The following ST6GAL1 variants were observed in gnomAD, a reference collection of about 807,000 sequenced individuals.
ST6GAL1 encodes beta-galactoside alpha-2,6-sialyltransferase 1.
In ST6GAL1, 20 loss-of-function variants were observed where a neutral mutation model predicts 38.0. That is an observed-to-expected ratio of 0.53 (90% confidence interval 0.37 to 0.77). ST6GAL1 has a LOEUF of 0.77. Among genes scored for constraint, ST6GAL1 ranks in the 30% least tolerant of loss-of-function variants. ST6GAL1 has a pLI of 0.00. For missense variants in ST6GAL1, 432 were observed against 496.4 expected (o/e 0.87, Z 1.23); for synonymous variants, 196 against 188.2 (o/e 1.04, Z -0.34).
intron 1 of ST6GAL1, among the ~76,000 whole-genome samples, chr3:186,958,971 AAT>A (rs1218587228): frequency 1.4e-5 from 1 of 71,494 alleles, no homozygotes; most frequent in East Asian, 4.1e-4. Context: ...AAAAAAATTA[AAT>A]AAATAAATAA....
intron 2 of ST6GAL1, among the ~76,000 whole-genome samples, chr3:186,992,118 A>G (rs1716192998): frequency 6.6e-6 from 1 of 152,114 alleles, no homozygotes; most frequent in African/African-American, 2.4e-5. Context: ...GTACATGACC[A>G]TTGATATGGT....
chr3:186,944,701 C>G (rs1579257689), intron 1 of ST6GAL1, among the ~76,000 whole-genome samples: 1 of 152,206 alleles, frequency 6.6e-6, no homozygotes, highest in Middle Eastern at 3.2e-3. Context: ...TGAGGAAAAT[C>G]ACAGCCTATG....
At chr3:187,042,536 C>T (rs1362242727) in intron 3 of ST6GAL1, 118 bp from the exon 4 acceptor site, 8 of 983,460 alleles carry the variant, frequency 8.1e-6, no homozygotes, top group Non-Finnish European at 1.2e-5. Flanking sequence ...AGGAGGTAGA[C>T]CAGGGCTGGA....
At chr3:186,969,155 G>T (rs563240628) in intron 2 of ST6GAL1, among the ~76,000 whole-genome samples, 1 of 148,410 alleles carries the variant, frequency 6.7e-6, no homozygotes, top group Admixed American at 6.8e-5. Context: ...GGGTTCAAGC[G>T]ATTCTCCTGC....
intron 1 of ST6GAL1, among the ~76,000 whole-genome samples, chr3:186,935,595 T>C (rs1450865868): frequency 6.6e-6 from 1 of 152,196 alleles, no homozygotes; most frequent in African/African-American, 2.4e-5. Flanking sequence ...TCTACAATGG[T>C]TGAACTAATT....
rs781047841 is a variant in ST6GAL1 at position 187,042,720 on chromosome 3, T to C, written c.17T>C (p.Leu6Pro). The C allele has an allele frequency of 3.1e-6, 5 of 1,611,460 alleles. No homozygotes were observed. In the South Asian group the frequency reaches 4.4e-5, roughly 14 times the overall value. MIHTN[L>P]KKKFSCCVLV... ...ATCTTCATTATGATTCACACCAACC[T>C]GAAGAAAAAGTTCAGCTGCTGCGTC... Residue 6 changes from leucine (L) to proline (P), a missense_variant, in exon 4 of 8, where the codon CTG (leucine) becomes CCG (proline). Leu to Pro is a moderately conservative substitution (Grantham distance 98, BLOSUM62 -3). Transcript: ENST00000169298.
At chr3:186,943,633 A>C (rs1714258758) in intron 1 of ST6GAL1, among the ~76,000 whole-genome samples, 1 of 152,008 alleles carries the variant, frequency 6.6e-6, no homozygotes, top group Admixed American at 6.6e-5. Flanking sequence ...TATTTTTAGT[A>C]GACATGGGGT....
At chr3:187,051,172 C>T in intron 4 of ST6GAL1, 77 bp from the exon 5 acceptor site, 2 of 1,287,258 alleles carry the variant, frequency 1.6e-6, no homozygotes, top group Non-Finnish European at 2.3e-6. Flanking sequence ...TTGCCCCCTC[C>T]CCCGCCTCTC....
In ST6GAL1 at chr3:187,068,740, T is replaced by A. The variant is rs191783688; in HGVS notation, c.706-4109T>A. On this transcript the variant is annotated intron_variant, in intron 5 of 7. Coordinates refer to ENST00000169298, the MANE Select transcript of ST6GAL1 (RefSeq NM_173216.2). ...GGCTATAGCAGGGGGAGACATTTTT[T>A]AAAAATCCCAGTTATTGCTATTCCT... Among the ~76,000 whole-genome samples the A allele has an allele frequency of 5.8e-4, 88 of 152,378 alleles. No individual in the cohort carries two copies. In the East Asian group the frequency reaches 0.016, roughly 27 times the overall value.
chr3:187,058,540 A>G (rs150976689), intron 5 of ST6GAL1, among the ~76,000 whole-genome samples: 2 of 152,132 alleles, frequency 1.3e-5, no homozygotes, highest in African/African-American at 4.8e-5. Flanking sequence ...TAAGAAAATC[A>G]CTTTCTATCA....
intron 2 of ST6GAL1, among the ~76,000 whole-genome samples, chr3:186,967,184 G>GT (rs1218287755): frequency 3.3e-5 from 5 of 152,136 alleles, no homozygotes; most frequent in South Asian, 4.1e-4. Flanking sequence ...CTGAAGAGGT[G>GT]TTTTTTTGTT....
intron 2 of ST6GAL1, among the ~76,000 whole-genome samples, chr3:187,034,198 T>C (rs568376916): frequency 1.3e-5 from 2 of 152,238 alleles, no homozygotes; most frequent in South Asian, 4.1e-4. Context: ...TCTTTCAAGA[T>C]TGAATCAGGA....
At chr3:186,992,136 T>C (rs1163992253) in intron 2 of ST6GAL1, among the ~76,000 whole-genome samples, 1 of 152,168 alleles carries the variant, frequency 6.6e-6, no homozygotes, top group Non-Finnish European at 1.5e-5. Flanking sequence ...GGTTTGGCTG[T>C]GTCCCACCCA....
At chr3:187,066,820 C>T (rs969268240) in intron 5 of ST6GAL1, among the ~76,000 whole-genome samples, 21 of 152,096 alleles carry the variant, frequency 1.4e-4, no homozygotes, top group African/African-American at 3.6e-4. Flanking sequence ...CCCCTGCCCC[C>T]TAAGAGGATC....
At chr3:187,029,103 T>C (rs1286771540) in intron 2 of ST6GAL1, among the ~76,000 whole-genome samples, 1 of 32,782 alleles carries the variant, frequency 3.1e-5, no homozygotes, top group Non-Finnish European at 7.4e-5. Context: ...AAAAAAAGAA[T>C]TTTTCATAGG....
At chr3:186,980,806 A>G (rs1471570142) in intron 2 of ST6GAL1, among the ~76,000 whole-genome samples, 13 of 151,222 alleles carry the variant, frequency 8.6e-5, no homozygotes, top group African/African-American at 1.9e-4. Context: ...GGGGAAATAG[A>G]TTCTGGATCA....
chr3:186,944,009 A>G (rs1035151376), intron 1 of ST6GAL1, among the ~76,000 whole-genome samples: 7 of 152,186 alleles, frequency 4.6e-5, no homozygotes, highest in African/African-American at 1.7e-4. Flanking sequence ...AACCTGCCTC[A>G]TGGTGTTACC....
intron 2 of ST6GAL1, among the ~76,000 whole-genome samples, chr3:186,999,817 A>G (rs1716554426): frequency 2.6e-5 from 4 of 152,084 alleles, no homozygotes; most frequent in Admixed American, 2.6e-4. Flanking sequence ...ACTCACAAAC[A>G]TTATGACAGC....
At chr3:187,003,150 G>T (rs79192416) in intron 2 of ST6GAL1, among the ~76,000 whole-genome samples, 246 of 151,468 alleles carry the variant, frequency 1.6e-3, no homozygotes, top group African/African-American at 5.6e-3. Context: ...GAGTCCAAAG[G>T]CAGGGGGAAA....
Sources: gnomAD v4.1 joint callset for allele counts (sites outside exome capture counted in the v4.1 genomes callset) on GRCh38, gnomAD v4.1.1 for gene constraint, MANE v1.5 for transcripts, NCBI Gene and HGNC (gene_info 2026-07-23, HGNC 2026-07-21) for gene names.